Variants in CUL4A observed in about 807,000 individuals in gnomAD.
CUL4A encodes cullin-4A.
In CUL4A, 16 loss-of-function variants were observed where a neutral mutation model predicts 95.5. The observed-to-expected ratio is 0.17, with a 90% confidence interval of 0.11 to 0.25. The LOEUF is 0.25. Ranked by LOEUF, CUL4A falls within the 10% of genes least tolerant of loss-of-function variation. The pLI is 1.00. For missense variants in CUL4A, 610 were observed against 937.0 expected (o/e 0.65, Z 4.56); for synonymous variants, 380 against 353.1 (o/e 1.08, Z -0.85).
intron 3 of CUL4A, among the ~76,000 whole-genome samples, chr13:113,226,470 A>T (rs1334356477): frequency 2.0e-5 from 3 of 152,178 alleles, no homozygotes; most frequent in South Asian, 4.1e-4. Flanking sequence ...AGTGGATGTG[A>T]AGAGTGTTTC....
intron 5 of CUL4A, among the ~76,000 whole-genome samples, chr13:113,231,256 A>C (rs1436780247): frequency 6.6e-6 from 1 of 152,174 alleles, no homozygotes; most frequent in Non-Finnish European, 1.5e-5. Context: ...TGGTGAGGAG[A>C]TACTTTGTCC....
At chr13:113,226,757 G>C (rs992662437) in intron 3 of CUL4A, among the ~76,000 whole-genome samples, 1 of 152,194 alleles carries the variant, frequency 6.6e-6, no homozygotes. Flanking sequence ...GGGCACACTG[G>C]CTCATACCTG....
rs2041819717 is a variant in CUL4A at position 113,244,950 on chromosome 13, TA to T, written c.1338del (p.Asp447MetfsTer75). The T allele has an allele frequency of 6.3e-7, 1 of 1,591,074 alleles. No homozygotes were observed. The highest frequency in any genetic ancestry group is 1.3e-5 in the African/African-American group (1 of 74,498). ...TTATTCTCGTCTGGTTATAAATAGGTAAAGATGTCTTTGAAGCATTTTATAA... is the reference window on the plus strand; with the variant it reads ...TTATTCTCGTCTGGTTATAAATAGGTAAGATGTCTTTGAAGCATTTTATAA... ...IMILFRFIHG[K>X]DVFEAFYKKD... On this transcript the variant is annotated frameshift_variant and splice_region_variant, in exon 13 of 20. Coordinates refer to ENST00000375440, the MANE Select transcript of CUL4A (RefSeq NM_001008895.4). LOFTEE classifies it high-confidence loss of function.
chr13:113,219,023 C>A lies in CUL4A; in HGVS notation c.343C>A (p.Gln115Lys). Reference protein sequence around the residue: ...QLRQACEDHVQAQILPFREDS... With the variant: ...QLRQACEDHVKAQILPFREDS... ...GCGTCAGGCCTGTGAAGACCACGTC[C>A]AGGCACAGATCCTTCCGTTTAGAGA... The change falls in exon 3 of 20, where the codon CAG becomes AAG. Residue 115 changes from glutamine (Q) to lysine (K), a missense_variant. Physicochemically the swap from Gln to Lys is moderately conservative, Grantham distance 53. Around this residue, in one of 10 missense-constraint regions of CUL4A, gnomAD observed 168 missense variants for 185.5 expected, o/e 0.91. Coordinates refer to ENST00000375440, the MANE Select transcript of CUL4A (RefSeq NM_001008895.4). The A allele has an allele frequency of 6.2e-7, 1 of 1,611,794 alleles. No homozygotes were observed. Among genetic ancestry groups the A allele is most frequent in the Non-Finnish European group, 8.5e-7 (1 of 1,178,942 alleles).
In CUL4A at chr13:113,233,161, C is replaced by A. The variant is rs1307429317; in HGVS notation, c.513-16C>A. 2 of 1,607,552 alleles carry A rather than the reference C, an allele frequency of 1.2e-6. No individual in the cohort carries two copies. The highest frequency in any genetic ancestry group is 3.4e-5 in the Admixed American group (2 of 59,244). On this transcript the variant is annotated splice_polypyrimidine_tract_variant and intron_variant, in intron 5 of 19. Transcript: ENST00000375440. Reference sequence around the variant, plus strand: ...GCGAAACTAAAATGTAGTCCTGTTTCTTACTGTCTATACAGGGATATGGGA... The same window carrying A: ...GCGAAACTAAAATGTAGTCCTGTTTATTACTGTCTATACAGGGATATGGGA...
intron 1 of CUL4A, 66 bp from the exon 2 acceptor site, chr13:113,209,907 C>T (rs1346424665): frequency 2.3e-6 from 3 of 1,311,684 alleles, no homozygotes; most frequent in Admixed American, 3.3e-5. Flanking sequence ...CCGGCCGGGT[C>T]GGGGGTGGCT....
At chr13:113,209,049 G>A (rs1159421271), upstream of CUL4A, 2 of 311,766 alleles carry the variant, frequency 6.4e-6, no homozygotes, top group South Asian at 1.3e-4. Flanking sequence ...GGAGGGGGAG[G>A]GGGAGGGACA....
chr13:113,231,616 A>C (rs1285604423), intron 5 of CUL4A, among the ~76,000 whole-genome samples: 1 of 152,212 alleles, frequency 6.6e-6, no homozygotes, highest in Non-Finnish European at 1.5e-5. Flanking sequence ...CTTCAGAGGC[A>C]GGAACTAATA....
chr13:113,222,866 C>T (rs2040951649), intron 3 of CUL4A, among the ~76,000 whole-genome samples: 1 of 152,168 alleles, frequency 6.6e-6, no homozygotes, highest in Admixed American at 6.5e-5. Context: ...CGCCACTGCA[C>T]TCCAGCCTGA....
At chr13:113,238,718 C>G (rs9549360) in intron 9 of CUL4A, among the ~76,000 whole-genome samples, 21,720 of 152,016 alleles carry the variant, frequency 0.14, 2,145 homozygotes, top group East Asian at 0.3. Context: ...TAATTATAGC[C>G]CCACCATGTG....
intron 9 of CUL4A, among the ~76,000 whole-genome samples, chr13:113,237,882 C>A (rs2041596434): frequency 6.6e-6 from 1 of 152,174 alleles, no homozygotes; most frequent in Non-Finnish European, 1.5e-5. Context: ...TCTCCTGTTA[C>A]AAACAACTCC....
intron 2 of CUL4A, among the ~76,000 whole-genome samples, chr13:113,217,813 T>C (rs1468048175): frequency 6.6e-6 from 1 of 152,260 alleles, no homozygotes; most frequent in Non-Finnish European, 1.5e-5. Context: ...ATATTTCATA[T>C]TGGAATTGAA....
upstream of CUL4A, chr13:113,208,210 C>T: frequency 2.0e-6 from 3 of 1,536,834 alleles, no homozygotes; most frequent in Admixed American, 5.5e-5. Context: ...CCGCATCCTG[C>T]TGGGAAACAG....
At position 113,210,052 on chromosome 13, in the gene CUL4A, C is replaced by T. The variant is rs1203993703; in HGVS notation, c.228C>T (p.Ser76=). ...AGGCGGTGCGGGCCGTGCAGAGCAG[C>T]ACCTCCATCAGGTACAACCTCGAGG... ...LHEAVRAVQS[S]TSIRYNLEEL... The change falls in exon 2 of 20, where the codon AGC becomes AGT. Residue 76 remains serine, a synonymous_variant. Coordinates refer to ENST00000375440, the MANE Select transcript of CUL4A (RefSeq NM_001008895.4). The T allele has an allele frequency of 6.6e-7, 1 of 1,519,968 alleles. No individual in the cohort carries two copies. Among genetic ancestry groups the T allele is most frequent in the East Asian group, 2.8e-5 (1 of 36,356 alleles). 94.2% of individuals were successfully genotyped at this position (1,519,968 alleles called of 1,614,324 possible). A position where few individuals can be genotyped will look rare whatever the true frequency, so the allele number is the denominator to read the frequency against.
At chr13:113,233,819 C>G in intron 6 of CUL4A, 78 bp from the exon 7 acceptor site, 2 of 887,072 alleles carry the variant, frequency 2.3e-6, no homozygotes, top group Non-Finnish European at 1.9e-6. Context: ...CCTGCCCCGT[C>G]AGAAACTGGG....
intron 18 of CUL4A, among the ~76,000 whole-genome samples, chr13:113,259,028 G>A (rs867048380): frequency 7.9e-5 from 12 of 152,048 alleles, no homozygotes; most frequent in African/African-American, 2.7e-4. Flanking sequence ...CATTTCTGAC[G>A]GTTTTTATCA....
chr13:113,233,117 C>A (rs760091183), intron 5 of CUL4A, 60 bp from the exon 6 acceptor site: 1 of 1,534,924 alleles, frequency 6.5e-7, no homozygotes, highest in South Asian at 1.2e-5. Flanking sequence ...GCTGGAGATT[C>A]ACCCATAACT....
In CUL4A at chr13:113,263,575, T is replaced by G; in HGVS notation, c.2273T>G (p.Val758Gly). The G allele has an allele frequency of 6.3e-7, 1 of 1,584,878 alleles. No individual in the cohort carries two copies. The highest frequency in any genetic ancestry group is 8.6e-7 in the Non-Finnish European group (1 of 1,164,390). The change falls in exon 20 of 20, where the codon GTG becomes GGG. Residue 758 changes from valine (V) to glycine (G), a missense_variant. Val to Gly is a moderately radical substitution (Grantham distance 109). Coordinates refer to ENST00000375440, the MANE Select transcript of CUL4A (RefSeq NM_001008895.4). ...DKDNPNQYHY[V>G]A The stretch of plus-strand genomic sequence containing the variant: ...GACAATCCGAATCAGTACCACTACG[T>G]GGCCTGACGCATCTGCAGACGGTTC...
At chr13:113,208,497 G>A (rs2040123662), upstream of CUL4A, 6 of 1,546,176 alleles carry the variant, frequency 3.9e-6, no homozygotes, top group African/African-American at 2.8e-5. Context: ...GAAGGGTGGC[G>A]AGGCGGGAAA....
Sources: gnomAD v4.1 joint callset for allele counts (sites outside exome capture counted in the v4.1 genomes callset) on GRCh38, gnomAD v4.1.1 for gene constraint, gnomAD v4.1.1 regional missense constraint, MANE v1.5 for transcripts, NCBI Gene and HGNC (gene_info 2026-07-23, HGNC 2026-07-21) for gene names.